The following LIPE variants were observed in gnomAD, a reference collection of about 807,000 sequenced individuals.
LIPE encodes lipase E, hormone sensitive type.
A neutral mutation model predicts 88.5 loss-of-function variants in LIPE; 66 were observed. That is an observed-to-expected ratio of 0.75 (90% CI 0.61 to 0.91). The LOEUF is 0.91. Ranked by LOEUF, LIPE falls within the 40% of genes least tolerant of loss-of-function variation. The pLI, the probability that LIPE is intolerant of heterozygous loss-of-function variation, is 0.00. For missense variants in LIPE, 1,346 were observed against 1,434.7 expected, an observed-to-expected ratio of 0.94 and a Z score of 1.00; for synonymous variants, 570 against 617.5, an observed-to-expected ratio of 0.92 and a Z score of 1.14.
chr19:42,412,899 G>A (rs1160396338), intron 1 of LIPE, among the ~76,000 whole-genome samples: 2 of 152,216 alleles, frequency 1.3e-5, no homozygotes, highest in African/African-American at 2.4e-5. Flanking sequence ...CCTCCTGGAA[G>A]GACAAAAGCC....
rs1372414646 is a variant in LIPE at position 42,407,293 on chromosome 19, TC to T, written c.2017del (p.Glu673SerfsTer96). On this transcript the variant is annotated frameshift_variant, in exon 6 of 10. Coordinates refer to ENST00000244289, the MANE Select transcript of LIPE (RefSeq NM_005357.4). LOFTEE classifies it high-confidence loss of function. This position sits in a 1 kb window ranked among gnomAD's most constrained non-coding sequence, Gnocchi z 5.8. ...HEPYLKSWAQ[E>X]LGAPIISIDY... The stretch of plus-strand genomic sequence containing the variant: ...GATGGAGATGATGGGGGCGCCCAGC[TC>T]CTGGGCCCAGCTCTTGAGGTAGGGC... The T allele has an allele frequency of 6.2e-7, 1 of 1,610,208 alleles. No individual in the cohort carries two copies. Among genetic ancestry groups the T allele is most frequent in the Non-Finnish European group, 8.5e-7 (1 of 1,178,496 alleles).
At chr19:42,425,518 T>G (rs2056045531) in intron 1 of LIPE, among the ~76,000 whole-genome samples, 1 of 152,060 alleles carries the variant, frequency 6.6e-6, no homozygotes, top group Non-Finnish European at 1.5e-5. Flanking sequence ...ATTTCTAAAA[T>G]GAGGATGTTG....
rs981083859 is a variant in LIPE at position 42,423,671 on chromosome 19, C to G, written c.883+2596G>C. The G allele has an allele frequency of 6.1e-6, 7 of 1,153,934 alleles. No homozygotes were observed. The African/African-American group carries it at 1.2e-4, about 19-fold the overall frequency. The allele number at this position is 1,153,934 out of a possible 1,614,324, so 71.5% of individuals were successfully genotyped here. The stretch of plus-strand genomic sequence containing the variant: ...GCTTGCTCTTCTCTGGGTCCAGCTC[C>G]CTAACCAATTCTGGTCTCCCTCCGC... On this transcript the variant is annotated intron_variant, in intron 1 of 9. Transcript: ENST00000244289.
In LIPE at chr19:42,426,317, G is replaced by A. The variant is rs775349119; in HGVS notation, c.833C>T (p.Ser278Leu). 12 of 1,608,330 alleles carry A rather than the reference G, an allele frequency of 7.5e-6. No individual in the cohort carries two copies. The highest frequency in any genetic ancestry group is 6.7e-5 in the East Asian group (3 of 44,686). Residue 278 changes from serine (S) to leucine (L), a missense_variant, in exon 1 of 10, where the codon TCG becomes TTG. Physicochemically the swap from Ser to Leu is moderately radical, Grantham distance 145. Transcript: ENST00000244289. ...CCGAGCACTGGTTTTCTCATGTGGC[G>A]ACGTCCCACTGTATCCTGACATCAC... ...YKVMSGYSGTSPHEKTSARNH... is the reference protein window; with the variant it reads ...YKVMSGYSGTLPHEKTSARNH...
Position 42,407,514 on chromosome 19 carries a change from C to T in LIPE, c.1843-46G>A. 1 of 1,587,514 alleles carries T rather than the reference C, an allele frequency of 6.3e-7. No homozygotes were observed. The highest frequency in any genetic ancestry group is 8.6e-7 in the Non-Finnish European group (1 of 1,163,552). On this transcript the variant is annotated intron_variant, in intron 5 of 9. Transcript: ENST00000244289. The surrounding 1 kb of genome is among the most constrained non-coding windows in gnomAD (Gnocchi z 5.8). ...GGTGTGTGAGGTTGGGGAGAGCTGG[C>T]CAGGGCTGCACCCCTCCATGGGGAT...
At chr19:42,422,169 A>G (rs1017809453) in intron 1 of LIPE, among the ~76,000 whole-genome samples, 1 of 152,216 alleles carries the variant, frequency 6.6e-6, no homozygotes, top group African/African-American at 2.4e-5. Flanking sequence ...CAGTAACAAT[A>G]ACCTTCACTT....
intron 1 of LIPE, among the ~76,000 whole-genome samples, chr19:42,415,844 G>A (rs1040175582): frequency 2.4e-4 from 37 of 151,782 alleles, no homozygotes; most frequent in Admixed American, 1.3e-4. Flanking sequence ...GGCTTATTGT[G>A]GATATGGAGA....
At chr19:42,423,527 C>A (rs1394429320) in intron 1 of LIPE, 1 of 1,261,392 alleles carries the variant, frequency 7.9e-7, no homozygotes, top group Non-Finnish European at 1.0e-6. Context: ...GTTCCCCCGG[C>A]CAACTCCATC....
In LIPE at chr19:42,426,569, G is replaced by T; in HGVS notation, c.581C>A (p.Ala194Asp). 6.2e-7 allele frequency: 1 copy of T among 1,614,166 alleles called. No individual in the cohort carries two copies. The highest frequency in any genetic ancestry group is 8.5e-7 in the Non-Finnish European group (1 of 1,180,026). ...TGTCAAAGATCCCTGCTTGGATTTG[G>T]CTCCCTGGACTGGCGTTGTTTGCTT... ...SDKQTTPVQG[A>D]KSKQGSLTEL... The change falls in exon 1 of 10, where the codon GCC (alanine) becomes GAC (aspartate). Residue 194 changes from alanine to aspartate, a missense_variant. Coordinates refer to ENST00000244289, the MANE Select transcript of LIPE (RefSeq NM_005357.4).
chr19:42,421,498 C>T (rs2040597483), intron 1 of LIPE, among the ~76,000 whole-genome samples: 1 of 152,230 alleles, frequency 6.6e-6, no homozygotes, highest in Non-Finnish European at 1.5e-5. Flanking sequence ...CCCAGCTCAA[C>T]TGTGAATCTG....
intron 1 of LIPE, among the ~76,000 whole-genome samples, chr19:42,418,813 A>G (rs566416342): frequency 5.9e-5 from 9 of 152,292 alleles, no homozygotes; most frequent in African/African-American, 1.9e-4. Context: ...AACCCCAAAT[A>G]TCTCTGAGAC....
intron 1 of LIPE, chr19:42,423,936 G>T: frequency 8.6e-7 from 1 of 1,164,904 alleles, no homozygotes; most frequent in Non-Finnish European, 1.1e-6. Flanking sequence ...TCCCAGGGAG[G>T]GATGCCCTAG....
chr19:42,425,876 C>G (rs1213012361), intron 1 of LIPE, among the ~76,000 whole-genome samples: 1 of 152,132 alleles, frequency 6.6e-6, no homozygotes, highest in Admixed American at 6.5e-5. Context: ...GATCTCAGCT[C>G]ATTGCAACCT....
rs1433017585 is a variant in LIPE at position 42,408,617 on chromosome 19, G to A, written c.1420-295C>T. Among the ~76,000 whole-genome samples the A allele has an allele frequency of 2.0e-5, 3 of 151,830 alleles. No individual in the cohort carries two copies. The highest frequency in any genetic ancestry group is 4.8e-5 in the African/African-American group (2 of 41,342). The stretch of plus-strand genomic sequence containing the variant: ...GGGCACCAGTGATGACTAGGGGTCA[G>A]GCTACTTAGCGGGTCTCGGAGGAGA... On this transcript the variant is annotated intron_variant, in intron 2 of 9. Coordinates refer to ENST00000244289, the MANE Select transcript of LIPE (RefSeq NM_005357.4). The surrounding 1 kb of genome is among the most constrained non-coding windows in gnomAD (Gnocchi z 4.3).
rs556574614 is a variant in LIPE, at chr19:42,414,114, T to A, written c.884-3272A>T. Among the ~76,000 whole-genome samples, 61 of 152,046 alleles carry A rather than the reference T, an allele frequency of 4.0e-4. No homozygotes were observed. The highest frequency in any genetic ancestry group is 6.8e-4 in the Non-Finnish European group (46 of 68,000). On this transcript the variant is annotated intron_variant, in intron 1 of 9. Transcript: ENST00000244289. The surrounding 1 kb of genome is among the most constrained non-coding windows in gnomAD (Gnocchi z 4.6). The stretch of plus-strand genomic sequence containing the variant: ...CAACATGCTGAAACCCCGTCTCTAC[T>A]AAAAATACAAAAATTAGCGGTATGG...
At chr19:42,403,913 C>T (rs760427505) in intron 8 of LIPE, among the ~76,000 whole-genome samples, 15 of 152,070 alleles carry the variant, frequency 9.9e-5, no homozygotes, top group Non-Finnish European at 1.9e-4. Context: ...CAGTTTTATC[C>T]GTTCACGTGA....
At chr19:42,424,194 C>G (rs1288627100) in intron 1 of LIPE, 1 of 997,508 alleles carries the variant, frequency 1.0e-6, no homozygotes, top group South Asian at 1.5e-5. Flanking sequence ...TCCATGCTCC[C>G]GATAATGAGG....
intron 8 of LIPE, among the ~76,000 whole-genome samples, chr19:42,404,883 T>C (rs890963218): frequency 1.3e-5 from 2 of 152,120 alleles, no homozygotes; most frequent in African/African-American, 2.4e-5. Context: ...TTAAATTTTT[T>C]TTTTTGAGAC....
chr19:42,424,194 C>A (rs1288627100), intron 1 of LIPE: 4 of 997,506 alleles, frequency 4.0e-6, no homozygotes, highest in Non-Finnish European at 4.1e-6. Flanking sequence ...TCCATGCTCC[C>A]GATAATGAGG....
Sources: allele counts gnomAD v4.1 joint callset (sites outside exome capture counted in the v4.1 genomes callset), GRCh38; gene constraint gnomAD v4.1.1; non-coding constraint Gnocchi (gnomAD v3.1); transcripts MANE v1.5; gene names NCBI Gene and HGNC (gene_info 2026-07-23, HGNC 2026-07-21).